The following ARSD variants were observed in gnomAD, a reference collection of about 807,000 sequenced individuals.
ARSD encodes the protein arylsulfatase D, also known as testis tissue sperm-binding protein Li 39a.
A neutral mutation model predicts 32.6 loss-of-function variants in ARSD; 21 were observed. The ratio of observed to expected loss-of-function variants is 0.64; its 90% confidence interval spans 0.46 to 0.93. The LOEUF (loss-of-function observed/expected upper bound fraction) is 0.93, where lower values mean the gene tolerates loss of function less well. Ranked by LOEUF, ARSD falls within the 40% of genes least tolerant of loss-of-function variation. ARSD has a pLI of 0.00. For synonymous variants in ARSD, 224 were observed against 237.4 expected, an observed-to-expected ratio of 0.94 and a Z score of 0.52; for missense variants, 454 against 520.9, an observed-to-expected ratio of 0.87 and a Z score of 1.25.
chrX:2,926,981 C>T (rs1472484149), intron 1 of ARSD, among the ~76,000 whole-genome samples: 6 of 103,001 alleles, frequency 5.8e-5, no homozygotes, highest in South Asian at 4.5e-4. Context: ...GGGGAGGACG[C>T]GAACGAGGGG....
intron 2 of ARSD, among the ~76,000 whole-genome samples, chrX:2,922,973 CGTGAGGCACGGTACT>C (rs201719716): frequency 0.12 from 13,689 of 109,832 alleles, 975 homozygotes; most frequent in East Asian, 0.6. Context: ...CACTGCAAGG[CGTGAGGCACGGTACT>C]GTGAAAGCCT....
rs780362804 is a variant in ARSD at position 2,915,626 on chromosome X, C to A, written c.930G>T (p.Thr310=). The A allele has an allele frequency of 1.7e-6, 2 of 1,209,515 alleles. No individual in the cohort carries two copies. Among genetic ancestry groups the A allele is most frequent in the African/African-American group, 3.5e-5 (2 of 57,228 alleles). The change falls in exon 6 of 10, where the codon ACG becomes ACT. Residue 310 remains threonine, a synonymous_variant. Transcript: ENST00000381154. The stretch of plus-strand genomic sequence containing the variant: ...GCTGACTTTTCCCCAGGAATGCACT[C>A]GTGGTCACAAGGGGAATGTGCACAT... ...LLHVHIPLVT[T]SAFLGKSQHG...
intron 2 of ARSD, among the ~76,000 whole-genome samples, chrX:2,924,092 G>A (rs1284180905): frequency 4.4e-5 from 5 of 112,421 alleles, no homozygotes; most frequent in Non-Finnish European, 9.4e-5. Flanking sequence ...GAATGCAGTG[G>A]CGCAACCTCA....
chrX:2,916,553 A>C (rs898178359), intron 5 of ARSD, among the ~76,000 whole-genome samples: 3 of 111,861 alleles, frequency 2.7e-5, no homozygotes, highest in Non-Finnish European at 5.6e-5. Context: ...CAGCCATCAA[A>C]AAGAATGAAA....
intron 2 of ARSD, among the ~76,000 whole-genome samples, chrX:2,923,791 G>A (rs1208555461): frequency 8.9e-6 from 1 of 112,394 alleles, no homozygotes; most frequent in South Asian, 3.7e-4. Context: ...TCAGGACTTC[G>A]ACGTAGGCGT....
At chrX:2,927,261 T>A (rs939003744) in intron 1 of ARSD, among the ~76,000 whole-genome samples, 11 of 108,441 alleles carry the variant, frequency 1.0e-4, no homozygotes, top group African/African-American at 1.7e-4. Context: ...AATTTTAATT[T>A]TTATTATTAT....
intron 6 of ARSD, chrX:2,913,516 C>T (rs1431474346): frequency 1.0e-6 from 1 of 969,143 alleles, no homozygotes; most frequent in Non-Finnish European, 1.3e-6. Flanking sequence ...GTGAACCAAT[C>T]CCGCCCTATC....
intron 5 of ARSD, among the ~76,000 whole-genome samples, chrX:2,916,310 T>G (rs1056134941): frequency 9.2e-6 from 1 of 109,011 alleles, no homozygotes; most frequent in Non-Finnish European, 1.9e-5. Context: ...GCCAACATGG[T>G]GAAATGGTGA....
rs371280524 is a variant in ARSD, at chrX:2,907,253, C to T, written c.*18G>A. 7.6e-6 allele frequency: 9 copies of T among 1,190,505 alleles called. No homozygotes were observed. Among genetic ancestry groups the T allele is most frequent in the Non-Finnish European group, 1.0e-5 (9 of 882,402 alleles). Reference sequence around the variant, plus strand: ...ACGCAGTCAGGCTCTCCTGGATCCTCTCTCACAGTCCTGGCATTCAGGGGG... The same window carrying T: ...ACGCAGTCAGGCTCTCCTGGATCCTTTCTCACAGTCCTGGCATTCAGGGGG... On this transcript the variant is annotated 3_prime_UTR_variant, in exon 10 of 10. Transcript: ENST00000381154.
At chrX:2,925,819 T>C in intron 1 of ARSD, 54 bp from the exon 2 acceptor site, 1 of 1,159,552 alleles carries the variant, frequency 8.6e-7, no homozygotes, top group Non-Finnish European at 1.2e-6. Context: ...GCAAGGGAAG[T>C]AGGCATTTCA....
chrX:2,929,086 T>G, intron 1 of ARSD, 146 bp downstream of exon 1: 19 of 506,584 alleles, frequency 3.8e-5, no homozygotes, highest in East Asian at 4.9e-5. Context: ...TCCAGCTACA[T>G]TTTGGAGACT....
chrX:2,924,812 G>A (rs67285424), intron 2 of ARSD, among the ~76,000 whole-genome samples: 11,906 of 111,301 alleles, frequency 0.11, 766 homozygotes, highest in East Asian at 0.58. Flanking sequence ...GGAGAAGGCC[G>A]CATGGGGACG....
intron 6 of ARSD, among the ~76,000 whole-genome samples, chrX:2,913,158 T>A (rs908678120): frequency 2.7e-5 from 3 of 111,758 alleles, no homozygotes; most frequent in African/African-American, 9.8e-5. Context: ...GTGGAACAAC[T>A]GGAAGTGGGG....
At chrX:2,925,535 T>C in intron 2 of ARSD, 81 bp downstream of exon 2, 2 of 1,090,552 alleles carry the variant, frequency 1.8e-6, no homozygotes, top group Non-Finnish European at 2.5e-6. Flanking sequence ...AGGAGTTTCC[T>C]AATTTCTCCA....
rs1313376398 is a variant in ARSD, at chrX:2,918,132, T to C, written c.535A>G (p.Thr179Ala). 2 of 1,201,250 alleles carry C rather than the reference T, an allele frequency of 1.7e-6. No homozygotes were observed. Among genetic ancestry groups the C allele is most frequent in the African/African-American group, 3.5e-5 (2 of 57,675 alleles). The change falls in exon 5 of 10, where the codon ACG becomes GCG. Residue 179 changes from threonine (T) to alanine (A), a missense_variant. This residue lies in a region of ARSD where 271 missense variants were observed against 301.0 expected (regional missense o/e 0.90). Coordinates refer to ENST00000381154, the MANE Select transcript of ARSD (RefSeq NM_001669.4). ...CCTGGGTCACAGTCGTTTGTGAGCG[T>C]GAAGGGCATGCCGTAGAAATAGTCA... ...GFDYFYGMPF[T>A]LTNDCDPGRP...
intron 6 of ARSD, among the ~76,000 whole-genome samples, chrX:2,912,949 C>T (rs1398450508): frequency 8.9e-6 from 1 of 112,323 alleles, no homozygotes. Context: ...TTGAAGCCTG[C>T]TGTAAACTGA....
At chrX:2,925,335 C>G (rs1242707962) in intron 2 of ARSD, among the ~76,000 whole-genome samples, 2 of 112,744 alleles carry the variant, frequency 1.8e-5, no homozygotes, top group Non-Finnish European at 3.8e-5. Flanking sequence ...ATAGGGCCCC[C>G]AGAGGGAGCC....
chrX:2,916,505 A>T (rs1277606208), intron 5 of ARSD, among the ~76,000 whole-genome samples: 1 of 111,672 alleles, frequency 9.0e-6, no homozygotes, highest in African/African-American at 3.3e-5. Flanking sequence ...TCAGAAAAAA[A>T]GGTTATATCT....
At chrX:2,920,789 G>C in intron 3 of ARSD, 66 bp from the exon 4 acceptor site, 1 of 1,159,643 alleles carries the variant, frequency 8.6e-7, no homozygotes, top group South Asian at 2.0e-5. Context: ...CTCAACCAGA[G>C]GGATTTGGTG....
Sources: gnomAD v4.1 joint callset for allele counts (sites outside exome capture counted in the v4.1 genomes callset) on GRCh38, gnomAD v4.1.1 for gene constraint, gnomAD v4.1.1 regional missense constraint, MANE v1.5 for transcripts, NCBI Gene and HGNC (gene_info 2026-07-23, HGNC 2026-07-21) for gene names.